CCSER1: variants seen among roughly 807,000 people sequenced by gnomAD.
CCSER1 encodes the protein serine-rich coiled-coil domain-containing protein 1.
CCSER1 carries 41 observed loss-of-function variants against 82.0 expected under a neutral mutation model. The ratio of observed to expected loss-of-function variants is 0.50; its 90% confidence interval spans 0.39 to 0.65. CCSER1 has a LOEUF of 0.65. Ranked by LOEUF, CCSER1 falls within the 30% of genes least tolerant of loss-of-function variation. CCSER1 has a pLI of 0.00. For synonymous variants in CCSER1, 414 were observed against 383.9 expected (o/e 1.08, Z -0.92); for missense variants, 1,119 against 1,064.2 (o/e 1.05, Z -0.72).
chr4:90,615,847 T>C (rs1029962806), intron 5 of CCSER1, among the ~76,000 whole-genome samples: 5 of 152,130 alleles, frequency 3.3e-5, no homozygotes, highest in Non-Finnish European at 7.3e-5. Flanking sequence ...CTGGGTAAAA[T>C]GCTACCAAAT....
chr4:91,345,691 C>A (rs1338889751), intron 10 of CCSER1, among the ~76,000 whole-genome samples: 1 of 152,006 alleles, frequency 6.6e-6, no homozygotes, highest in African/African-American at 2.4e-5. Context: ...TGTTATAAAC[C>A]AAACTCCATA....
At chr4:90,589,200 A>T (rs183177546) in intron 5 of CCSER1, among the ~76,000 whole-genome samples, 49 of 152,250 alleles carry the variant, frequency 3.2e-4, no homozygotes, top group Non-Finnish European at 2.8e-4. Context: ...TTAAAATTAG[A>T]GAGGGTGTCT....
At chr4:91,253,003 G>A (rs1740372045) in intron 10 of CCSER1, among the ~76,000 whole-genome samples, 1 of 151,752 alleles carries the variant, frequency 6.6e-6, no homozygotes, top group Admixed American at 6.6e-5. Flanking sequence ...AGGAGAGATT[G>A]GCAGAATGGA....
intron 10 of CCSER1, among the ~76,000 whole-genome samples, chr4:91,243,059 T>C (rs745657716): frequency 2.0e-5 from 3 of 152,174 alleles, no homozygotes; most frequent in African/African-American, 4.8e-5. Flanking sequence ...CTCCCAGTGG[T>C]AGCCATGTAG....
chr4:90,695,808 A>G (rs1297673065), intron 6 of CCSER1, among the ~76,000 whole-genome samples: 1 of 151,928 alleles, frequency 6.6e-6, no homozygotes, highest in Non-Finnish European at 1.5e-5. Flanking sequence ...GAATTTTTTT[A>G]CATTGTTGCA....
At chr4:90,988,594 T>G (rs551289672) in intron 9 of CCSER1, among the ~76,000 whole-genome samples, 24 of 151,746 alleles carry the variant, frequency 1.6e-4, no homozygotes, top group African/African-American at 5.5e-4. Flanking sequence ...TTTCTAAAAT[T>G]TATGTGTCTG....
intron 5 of CCSER1, among the ~76,000 whole-genome samples, chr4:90,509,832 A>G (rs1771225495): frequency 6.6e-6 from 1 of 151,062 alleles, no homozygotes; most frequent in African/African-American, 2.5e-5. Flanking sequence ...TTGAATATTT[A>G]AAACGTGCTT....
intron 6 of CCSER1, among the ~76,000 whole-genome samples, chr4:90,646,873 C>T (rs1039465756): frequency 1.3e-5 from 2 of 152,094 alleles, no homozygotes; most frequent in African/African-American, 4.8e-5. Flanking sequence ...GCAAAAGTGT[C>T]CTGGGATCCA....
chr4:90,529,936 A>AATAT (rs1013939688), intron 5 of CCSER1, among the ~76,000 whole-genome samples: 1,407 of 130,826 alleles, frequency 0.011, 21 homozygotes, highest in African/African-American at 0.042. Context: ...TATTAAATAG[A>AATAT]ATATATATAT....
intron 5 of CCSER1, among the ~76,000 whole-genome samples, chr4:90,555,142 T>C (rs1180215360): frequency 6.6e-6 from 1 of 151,886 alleles, no homozygotes; most frequent in Non-Finnish European, 1.5e-5. Context: ...GTCTTCATTT[T>C]CCAAAAAGGG....
chr4:90,316,184 G>A (rs974438808), intron 3 of CCSER1, among the ~76,000 whole-genome samples: 2 of 152,250 alleles, frequency 1.3e-5, no homozygotes, highest in African/African-American at 2.4e-5. Context: ...CAAATTTTGC[G>A]AAAGAGGAAA....
At chr4:90,832,446 T>G (rs971546607) in intron 8 of CCSER1, among the ~76,000 whole-genome samples, 1 of 152,128 alleles carries the variant, frequency 6.6e-6, no homozygotes, top group Non-Finnish European at 1.5e-5. Flanking sequence ...CTTAAAAAAC[T>G]AAAGAACTTA....
intron 5 of CCSER1, among the ~76,000 whole-genome samples, chr4:90,574,200 C>T (rs1579245216): frequency 1.4e-5 from 2 of 144,556 alleles, no homozygotes; most frequent in Admixed American, 1.4e-4. Context: ...TTTACATTGG[C>T]ATTATAAATA....
intron 10 of CCSER1, among the ~76,000 whole-genome samples, chr4:91,217,475 C>T (rs891758779): frequency 6.6e-6 from 1 of 152,160 alleles, no homozygotes; most frequent in Non-Finnish European, 1.5e-5. Context: ...TGGATTGGTG[C>T]ATTCACAAAC....
chr4:90,919,465 A>T (rs1362016998), intron 8 of CCSER1, among the ~76,000 whole-genome samples: 1 of 151,964 alleles, frequency 6.6e-6, no homozygotes, highest in East Asian at 1.9e-4. Flanking sequence ...GAGAGGATTC[A>T]TATAGATATA....
intron 10 of CCSER1, among the ~76,000 whole-genome samples, chr4:91,188,995 A>T (rs1333169451): frequency 6.6e-6 from 1 of 152,148 alleles, no homozygotes; most frequent in African/African-American, 2.4e-5. Flanking sequence ...ATTAATTCTA[A>T]TCTGCTAGAA....
chr4:90,470,404 G>A (rs544361498), intron 5 of CCSER1, among the ~76,000 whole-genome samples: 1 of 152,142 alleles, frequency 6.6e-6, no homozygotes, highest in African/African-American at 2.4e-5. Flanking sequence ...GGCAAGAACA[G>A]AGTATAAATG....
At chr4:90,883,556 A>T (rs949585622) in intron 8 of CCSER1, among the ~76,000 whole-genome samples, 2 of 150,894 alleles carry the variant, frequency 1.3e-5, no homozygotes. Flanking sequence ...TTTTAGGTCG[A>T]ATGAATGGCA....
chr4:91,412,069 T>G (rs531379049), intron 10 of CCSER1, among the ~76,000 whole-genome samples: 1 of 152,098 alleles, frequency 6.6e-6, no homozygotes, highest in Admixed American at 6.6e-5. Flanking sequence ...AAAAGTGACT[T>G]TGTAGGGGTA....
Sources: gnomAD v4.1 joint callset for allele counts (sites outside exome capture counted in the v4.1 genomes callset) on GRCh38, gnomAD v4.1.1 for gene constraint, MANE v1.5 for transcripts, NCBI Gene and HGNC (gene_info 2026-07-23, HGNC 2026-07-21) for gene names.